Variants in SAR1B observed in about 807,000 individuals in gnomAD.
The protein encoded by SAR1B is secretion associated Ras related GTPase 1B, also known as small COPII coat GTPase SAR1B.
SAR1B carries 23 observed loss-of-function variants against 26.8 expected under a neutral mutation model. The ratio of observed to expected loss-of-function variants is 0.86; its 90% CI spans 0.62 to 1.22. The LOEUF (loss-of-function observed/expected upper bound fraction) is 1.22, where lower values mean the gene tolerates loss of function less well. Among genes scored for constraint, SAR1B ranks in the 50% most tolerant of loss-of-function variants. The pLI is 0.00. For synonymous variants in SAR1B, 65 were observed against 80.8 expected (o/e 0.80, Z 1.05); for missense variants, 196 against 232.8 (o/e 0.84, Z 1.03).
chr5:134,608,498 T>C lies in SAR1B; in HGVS notation c.354A>G (p.Leu118=). 3 of 1,611,792 alleles carry C rather than the reference T, an allele frequency of 1.9e-6. No individual in the cohort carries two copies. Among genetic ancestry groups the C allele is most frequent in the Non-Finnish European group, 1.7e-6 (2 of 1,179,280 alleles). ...LLESKEELDS[L]MTDETIANVP... Reference sequence around the variant, plus strand: ...CATTAGCAATGGTTTCATCTGTCATTAGTGACTGAAAAAAACAAAACAATA... The same window carrying C: ...CATTAGCAATGGTTTCATCTGTCATCAGTGACTGAAAAAAACAAAACAATA... The change falls in exon 6 of 7, where the codon CTA becomes CTG. Residue 118 remains leucine (L), a synonymous_variant. Transcript: ENST00000402673.
intron 6 of SAR1B, 81 bp downstream of exon 6, chr5:134,608,291 A>G: frequency 7.2e-7 from 1 of 1,383,240 alleles, no homozygotes; most frequent in Non-Finnish European, 9.9e-7. Context: ...ATGGGCTTGT[A>G]TAGTTGGACA....
At chr5:134,615,627 A>C (rs1765298463) in intron 3 of SAR1B, among the ~76,000 whole-genome samples, 1 of 147,570 alleles carries the variant, frequency 6.8e-6, no homozygotes, top group Admixed American at 6.8e-5. Context: ...CATCCTGGCT[A>C]ACACGGTGAA....
chr5:134,617,492 G>A (rs759954723), intron 3 of SAR1B, among the ~76,000 whole-genome samples: 2 of 152,140 alleles, frequency 1.3e-5, no homozygotes, highest in Non-Finnish European at 2.9e-5. Context: ...TGAGCTGCAG[G>A]AAAGGTTGAG....
chr5:134,628,707 T>G (rs911791006), intron 1 of SAR1B, among the ~76,000 whole-genome samples: 1 of 151,772 alleles, frequency 6.6e-6, no homozygotes, highest in East Asian at 1.9e-4. Context: ...CAGGCTGGAG[T>G]GCAGTGGCAC....
At position 134,609,621 on chromosome 5, in the gene SAR1B, C is replaced by T; in HGVS notation, c.298G>A (p.Val100Met). The T allele has an allele frequency of 1.2e-6, 2 of 1,614,124 alleles. No individual in the cohort carries two copies. Among genetic ancestry groups the T allele is most frequent in the Non-Finnish European group, 1.7e-6 (2 of 1,180,000 alleles). The change falls in exon 5 of 7, where the codon GTG becomes ATG. Residue 100 changes from valine to methionine, a missense_variant. By Grantham distance (21) the Val-to-Met change is conservative (BLOSUM62 1). Coordinates refer to ENST00000402673, the MANE Select transcript of SAR1B (RefSeq NM_016103.4). ...AGCCTTTCGTGGTCTGCACAATCCA[C>T]CAGAAATACAATGCCATTGATAGCA... is the stretch of plus-strand genomic sequence containing the variant. ...LPAINGIVFL[V>M]DCADHERLLE...
chr5:134,612,120 TTTTTG>T (rs529577679), intron 4 of SAR1B, among the ~76,000 whole-genome samples: 1 of 152,168 alleles, frequency 6.6e-6, no homozygotes, highest in Non-Finnish European at 1.5e-5. Context: ...ACTGAAGGTT[TTTTTG>T]TTTTGTTTTG....
intron 1 of SAR1B, among the ~76,000 whole-genome samples, chr5:134,626,775 G>A (rs533924869): frequency 2.6e-4 from 40 of 152,260 alleles, no homozygotes; most frequent in Admixed American, 7.2e-4. Context: ...TATATTAGTG[G>A]TTGTCAGACT....
intron 1 of SAR1B, among the ~76,000 whole-genome samples, chr5:134,627,526 T>C (rs538099458): frequency 5.9e-4 from 87 of 148,312 alleles, no homozygotes; most frequent in Middle Eastern, 3.4e-3. Context: ...CGGCCGGGCG[T>C]GGTGGCTCAC....
At chr5:134,609,058 A>C (rs748991058) in intron 5 of SAR1B, 3 of 456,476 alleles carry the variant, frequency 6.6e-6, no homozygotes, top group South Asian at 3.1e-5. Context: ...CAAATCATGG[A>C]CCTGCTTACT....
At chr5:134,631,252 G>GC (rs1765600476) in intron 1 of SAR1B, among the ~76,000 whole-genome samples, 1 of 152,090 alleles carries the variant, frequency 6.6e-6, no homozygotes, top group South Asian at 2.1e-4. Context: ...TACTGACAGT[G>GC]CATCTCTGAC....
chr5:134,625,504 G>T (rs756556864), intron 1 of SAR1B, among the ~76,000 whole-genome samples: 6 of 152,132 alleles, frequency 3.9e-5, no homozygotes, highest in Non-Finnish European at 8.8e-5. Flanking sequence ...TCAAAGGCAG[G>T]CTTCTCAACA....
At chr5:134,630,456 C>CAAAA (rs773343974) in intron 1 of SAR1B, among the ~76,000 whole-genome samples, 32 of 41,334 alleles carry the variant, frequency 7.7e-4, no homozygotes, top group East Asian at 2.2e-3. Flanking sequence ...AACTCTATCT[C>CAAAA]AAAAAAAAAA....
rs749319828 is a variant in SAR1B at position 134,602,613 on chromosome 5, T to A, written c.*4337A>T. ...GTAGTTTTAGGCTGGGCACAGTGGC[T>A]CATGTGTATAATCCCAGCACTTTGG... is the stretch of plus-strand genomic sequence containing the variant. On this transcript the variant is annotated 3_prime_UTR_variant, in exon 7 of 7. Coordinates refer to ENST00000402673, the MANE Select transcript of SAR1B (RefSeq NM_016103.4). The A allele has an allele frequency of 6.6e-6, 1 of 152,204 alleles. No individual in the cohort carries two copies. The highest frequency in any genetic ancestry group is 1.5e-5 in the Non-Finnish European group (1 of 68,038). The allele number at this position is 152,204 out of a possible 1,614,324, so 9.4% of individuals were successfully genotyped here. A position where few individuals can be genotyped will look rare whatever the true frequency, so the allele number is the denominator to read the frequency against.
intron 1 of SAR1B, among the ~76,000 whole-genome samples, chr5:134,628,112 C>G (rs531610065): frequency 2.0e-5 from 3 of 151,912 alleles, no homozygotes; most frequent in African/African-American, 4.8e-5. Context: ...GCACTGCACT[C>G]CAGCCGGGGT....
intron 3 of SAR1B, among the ~76,000 whole-genome samples, chr5:134,618,767 G>A (rs550810841): frequency 6.6e-6 from 1 of 152,294 alleles, no homozygotes; most frequent in Admixed American, 6.5e-5. Context: ...GGAGGCCAAG[G>A]CAGGTGGATC....
intron 1 of SAR1B, chr5:134,631,966 G>T (rs1325435855): frequency 6.6e-6 from 1 of 152,292 alleles, no homozygotes; most frequent in South Asian, 2.1e-4. Context: ...TTGGGAGGCC[G>T]AGGCAGGCGG....
rs1561782685 is a variant in SAR1B, at chr5:134,605,103, A to C, written c.*1847T>G. On this transcript the variant is annotated 3_prime_UTR_variant, in exon 7 of 7. Coordinates refer to ENST00000402673, the MANE Select transcript of SAR1B (RefSeq NM_016103.4). The stretch of plus-strand genomic sequence containing the variant: ...ACTGAAACCAAATGTCATCTTAAGA[A>C]GCGACCTTGTCAGCTTAGCTAAATA... The C allele has an allele frequency of 6.6e-6, 1 of 152,248 alleles. No homozygotes were observed. 9.4% of individuals were successfully genotyped at this position (152,248 alleles called of 1,614,324 possible).
intron 3 of SAR1B, among the ~76,000 whole-genome samples, chr5:134,620,409 TC>T (rs1765386185): frequency 1.3e-5 from 2 of 152,146 alleles, no homozygotes; most frequent in Non-Finnish European, 2.9e-5. Context: ...ACTTTTTAAT[TC>T]CTCAAGCTAG....
intron 1 of SAR1B, among the ~76,000 whole-genome samples, chr5:134,629,330 G>T (rs556153515): frequency 2.7e-4 from 41 of 152,050 alleles, no homozygotes; most frequent in African/African-American, 9.6e-4. Context: ...AGGCCGAGGT[G>T]GGGGGATCAC....
Sources: allele counts gnomAD v4.1 joint callset (sites outside exome capture counted in the v4.1 genomes callset), GRCh38; gene constraint gnomAD v4.1.1; transcripts MANE v1.5; gene names NCBI Gene and HGNC (gene_info 2026-07-23, HGNC 2026-07-21).